Variants in ARHGEF3 observed in about 807,000 individuals in gnomAD.
The protein encoded by ARHGEF3 is Rho guanine nucleotide exchange factor 3.
Under a neutral mutation model 63.2 loss-of-function variants are expected in ARHGEF3, and 28 were observed. That is an observed-to-expected ratio of 0.44 (90% CI 0.33 to 0.61). The LOEUF is 0.61. Ranked by LOEUF, ARHGEF3 falls within the 20% of genes least tolerant of loss-of-function variation. ARHGEF3 has a pLI of 0.03. For synonymous variants in ARHGEF3, 266 were observed against 254.2 expected (o/e 1.05, Z -0.44); for missense variants, 533 against 659.3 (o/e 0.81, Z 2.10).
chr3:56,888,615 A>G (rs1170202151), intron 3 of ARHGEF3, among the ~76,000 whole-genome samples: 3 of 152,210 alleles, frequency 2.0e-5, no homozygotes, highest in Non-Finnish European at 4.4e-5. Context: ...TAAAAAAGCA[A>G]CCAGGGGCCA....
chr3:57,074,283 C>A (rs779760048), intron 1 of ARHGEF3: 2 of 1,595,362 alleles, frequency 1.3e-6, no homozygotes, highest in South Asian at 2.2e-5. Context: ...AATAATCCTG[C>A]AACATCTGAG....
intron 2 of ARHGEF3, among the ~76,000 whole-genome samples, chr3:56,764,288 C>T (rs1453807409): frequency 6.6e-6 from 1 of 152,124 alleles, no homozygotes; most frequent in East Asian, 1.9e-4. Context: ...CAACCATCTT[C>T]ATTGGGCACC....
rs1050235313 is a variant in ARHGEF3, at chr3:56,792,992, GT to G, written c.96+8710del. On this transcript the variant is annotated intron_variant, in intron 1 of 9. Transcript: ENST00000296315. The stretch of plus-strand genomic sequence containing the variant: ...TTTCCTGCAACATTCACGGCATTGG[GT>G]TTTTTTTTTTTTTTATTTTTATTTT... Among the ~76,000 whole-genome samples, 137 of 131,464 alleles carry G rather than the reference GT, an allele frequency of 1.0e-3. 1 individual carries two copies. Among genetic ancestry groups the G allele is most frequent in the South Asian group, 3.9e-3 (15 of 3,848 alleles). 86.2% of individuals were successfully genotyped at this position (131,464 alleles called of 152,430 possible).
At chr3:56,865,215 T>G (rs1428205841) in intron 4 of ARHGEF3, among the ~76,000 whole-genome samples, 3 of 152,168 alleles carry the variant, frequency 2.0e-5, no homozygotes, top group African/African-American at 7.2e-5. Context: ...AATTTCTGGT[T>G]GTATTACAGA....
intron 2 of ARHGEF3, among the ~76,000 whole-genome samples, chr3:57,018,026 C>T (rs369688930): frequency 3.9e-5 from 6 of 152,208 alleles, no homozygotes; most frequent in Admixed American, 3.9e-4. Flanking sequence ...ACGCTGTAAT[C>T]CCAACACTTT....
At chr3:56,785,533 G>C (rs1372146639) in intron 1 of ARHGEF3, among the ~76,000 whole-genome samples, 1 of 152,154 alleles carries the variant, frequency 6.6e-6, no homozygotes, top group African/African-American at 2.4e-5. Context: ...GGATGTGCAA[G>C]GTGAAACTTC....
At chr3:56,923,120 C>T (rs893847703) in intron 3 of ARHGEF3, among the ~76,000 whole-genome samples, 25 of 141,698 alleles carry the variant, frequency 1.8e-4, no homozygotes, top group African/African-American at 5.8e-4. Context: ...ACCAGCTACT[C>T]GGGAAGCTGG....
intron 1 of ARHGEF3, among the ~76,000 whole-genome samples, chr3:57,038,521 C>T (rs779755161): frequency 9.9e-5 from 15 of 152,212 alleles, no homozygotes; most frequent in Non-Finnish European, 1.5e-4. Flanking sequence ...TAGTTCACTA[C>T]AGCCTCAAAC....
chr3:57,075,813 AAAAG>A lies in ARHGEF3; in HGVS notation c.-28+3409_-28+3412del, dbSNP rs202141858. On this transcript the variant is annotated intron_variant, in intron 1 of 12. Transcript: ENST00000338458. ...CAAGAAAGCAAGACCCTATCTCTAA[AAAAG>A]AAAAAAGAAAAAGAAATGTGTACCC... is the stretch of plus-strand genomic sequence containing the variant. 1.2e-4 allele frequency among the ~76,000 whole-genome samples: 18 copies of A among 152,346 alleles called. No individual in the cohort carries two copies. The East Asian group carries it at 3.5e-3, about 29-fold the overall frequency.
At chr3:57,057,005 G>A (rs1220327529) in intron 1 of ARHGEF3, among the ~76,000 whole-genome samples, 2 of 151,508 alleles carry the variant, frequency 1.3e-5, no homozygotes, top group Admixed American at 6.6e-5. Flanking sequence ...CTAAACACAA[G>A]CAGGCTGTCA....
upstream of ARHGEF3, among the ~76,000 whole-genome samples, chr3:56,802,358 T>G (rs866574222): frequency 2.6e-5 from 4 of 152,216 alleles, no homozygotes; most frequent in South Asian, 2.1e-4. Flanking sequence ...AAAGCCCACA[T>G]TAGAAAGGGG....
At chr3:56,933,394 C>CTTTTTTTTTTTTTTTTTTT (rs869041385) in intron 3 of ARHGEF3, among the ~76,000 whole-genome samples, 2 of 132,904 alleles carry the variant, frequency 1.5e-5, no homozygotes, top group African/African-American at 5.4e-5. Flanking sequence ...TGTTTCTTTT[C>CTTTTTTTTTTTTTTTTTTT]TTTTTTTTTT....
intron 1 of ARHGEF3, chr3:56,775,322 C>T (rs1214692145): frequency 8.4e-7 from 1 of 1,184,490 alleles, no homozygotes. Flanking sequence ...CAGAAATCAA[C>T]AGCCTTCTTT....
intron 1 of ARHGEF3, among the ~76,000 whole-genome samples, chr3:56,779,922 A>G (rs2036486498): frequency 6.6e-6 from 1 of 152,252 alleles, no homozygotes; most frequent in Non-Finnish European, 1.5e-5. Flanking sequence ...GGTAGGAGCT[A>G]TGCTTTACAG....
chr3:56,757,129 A>G (rs2035121832), intron 2 of ARHGEF3, among the ~76,000 whole-genome samples: 1 of 152,234 alleles, frequency 6.6e-6, no homozygotes, highest in African/African-American at 2.4e-5. Context: ...AATTCCAGAA[A>G]GTAAAGAAAA....
chr3:56,745,187 G>A lies in ARHGEF3; in HGVS notation c.870+18C>T. The stretch of plus-strand genomic sequence containing the variant: ...GTGGAAATAACAAGAAGAGAGAGAA[G>A]GAAACAGACAAACTTACAGCTTCTT... On this transcript the variant is annotated intron_variant, in intron 7 of 9. Coordinates refer to ENST00000296315, the MANE Select transcript of ARHGEF3 (RefSeq NM_019555.3). 1 of 1,607,312 alleles carries A rather than the reference G, an allele frequency of 6.2e-7. No homozygotes were observed. Among genetic ancestry groups the A allele is most frequent in the Non-Finnish European group, 8.5e-7 (1 of 1,175,680 alleles).
chr3:56,895,059 T>C (rs2041252661), intron 3 of ARHGEF3, among the ~76,000 whole-genome samples: 1 of 152,204 alleles, frequency 6.6e-6, no homozygotes, highest in South Asian at 2.1e-4. Flanking sequence ...TACCTGCATG[T>C]CCCTGGTGTT....
chr3:57,013,514 C>T (rs1211980968), intron 2 of ARHGEF3, among the ~76,000 whole-genome samples: 1 of 152,152 alleles, frequency 6.6e-6, no homozygotes, highest in Non-Finnish European at 1.5e-5. Context: ...CACCAATCAG[C>T]ATTCTGTGTC....
In ARHGEF3 at chr3:57,046,448, C is replaced by G. The variant is rs146337181; in HGVS notation, c.-27-11272G>C. On this transcript the variant is annotated intron_variant, in intron 1 of 12. Coordinates refer to the ARHGEF3 transcript ENST00000338458. Reference sequence around the variant, plus strand: ...CTCTGGCTCAATCTTAGCTCCATCTCTGTGCTCTGACCCAAATGTCAGCTG... The same window carrying G: ...CTCTGGCTCAATCTTAGCTCCATCTGTGTGCTCTGACCCAAATGTCAGCTG... Among the ~76,000 whole-genome samples, 75 of 152,348 alleles carry G rather than the reference C, an allele frequency of 4.9e-4. 1 individual carries two copies. The highest frequency in any genetic ancestry group is 1.6e-3 in the African/African-American group (65 of 41,598).
Sources: gnomAD v4.1 joint callset for allele counts (sites outside exome capture counted in the v4.1 genomes callset) on GRCh38, gnomAD v4.1.1 for gene constraint, MANE v1.5 for transcripts, NCBI Gene and HGNC (gene_info 2026-07-23, HGNC 2026-07-21) for gene names.